TENM3: variants seen among roughly 807,000 people sequenced by gnomAD.
TENM3 encodes the protein teneurin transmembrane protein 3.
TENM3 carries 63 observed loss-of-function variants against 255.1 expected under a neutral mutation model. The observed-to-expected ratio is 0.25, with a 90% CI of 0.20 to 0.30. The LOEUF (loss-of-function observed/expected upper bound fraction) is 0.30. Ranked by LOEUF, TENM3 falls within the 10% of genes least tolerant of loss-of-function variation. TENM3 has a pLI of 1.00. For missense variants in TENM3, 2,929 were observed against 3,461.1 expected, an observed-to-expected ratio of 0.85 and a Z score of 3.86; for synonymous variants, 1,306 against 1,322.3, an observed-to-expected ratio of 0.99 and a Z score of 0.27.
chr4:182,179,192 C>T (rs543953983), intron 1 of TENM3, among the ~76,000 whole-genome samples: 146 of 152,280 alleles, frequency 9.6e-4, no homozygotes, highest in African/African-American at 3.3e-3. Flanking sequence ...GGTGGTCTTT[C>T]AAAAGCCAGG....
At chr4:182,316,809 C>A (rs1461656714) in intron 1 of TENM3, among the ~76,000 whole-genome samples, 1 of 152,160 alleles carries the variant, frequency 6.6e-6, no homozygotes, top group Non-Finnish European at 1.5e-5. Flanking sequence ...ACTTGTCCTG[C>A]AAATTCTTAC....
At chr4:182,020,096 G>C in the TENM3 span, among the ~76,000 whole-genome samples, 1 of 152,072 alleles carries the variant, frequency 6.6e-6, no homozygotes, top group Non-Finnish European at 1.5e-5. Flanking sequence ...CAGGTGCTGT[G>C]GTTCATGCCT....
the TENM3 span, among the ~76,000 whole-genome samples, chr4:181,594,086 G>A: frequency 6.6e-6 from 1 of 151,602 alleles, no homozygotes; most frequent in Non-Finnish European, 1.5e-5. Flanking sequence ...TAATAAGGTA[G>A]CTGTTTCCAG....
chr4:182,492,723 A>G (rs1735420250), intron 3 of TENM3, among the ~76,000 whole-genome samples: 1 of 152,194 alleles, frequency 6.6e-6, no homozygotes, highest in African/African-American at 2.4e-5. Flanking sequence ...ATGACTGCTG[A>G]ATCAGTCAGA....
intron 1 of TENM3, among the ~76,000 whole-genome samples, chr4:182,230,635 G>GCAC (rs1172812048): frequency 6.6e-6 from 1 of 151,478 alleles, no homozygotes; most frequent in African/African-American, 2.4e-5. Context: ...CTCCCCATCT[G>GCAC]CACCCTTCCT....
At chr4:182,406,694 T>C (rs567335586) in intron 3 of TENM3, among the ~76,000 whole-genome samples, 2 of 152,346 alleles carry the variant, frequency 1.3e-5, no homozygotes, top group Admixed American at 1.3e-4. Flanking sequence ...GTTAACTAAT[T>C]ATTCTCTAAC....
chr4:182,430,414 G>A (rs566061968), intron 3 of TENM3, among the ~76,000 whole-genome samples: 14 of 152,256 alleles, frequency 9.2e-5, no homozygotes, highest in African/African-American at 2.9e-4. Flanking sequence ...TGGGCGTGGT[G>A]GCAGGCACTT....
intron 3 of TENM3, among the ~76,000 whole-genome samples, chr4:182,502,184 A>G (rs777573020): frequency 1.8e-4 from 28 of 152,108 alleles, no homozygotes; most frequent in Non-Finnish European, 3.4e-4. Context: ...CCTTGATTAT[A>G]TTCTGCTTAA....
the TENM3 span, among the ~76,000 whole-genome samples, chr4:181,996,277 G>T: frequency 6.6e-6 from 1 of 152,146 alleles, no homozygotes; most frequent in African/African-American, 2.4e-5. Flanking sequence ...GGATGAAGTG[G>T]CTGGTGGGGG....
chr4:182,666,935 A>AGT (rs1754743072), intron 6 of TENM3, among the ~76,000 whole-genome samples: 2 of 152,242 alleles, frequency 1.3e-5, no homozygotes, highest in South Asian at 4.1e-4. Context: ...TTGCACACTT[A>AGT]GTAGACTGCA....
intron 3 of TENM3, among the ~76,000 whole-genome samples, chr4:182,350,792 C>G (rs1002490383): frequency 1.3e-5 from 2 of 152,160 alleles, no homozygotes; most frequent in African/African-American, 4.8e-5. Context: ...TCAAGCCATT[C>G]TCCTGCCTCA....
upstream of TENM3, chr4:182,143,064 T>C (rs1749588172): frequency 6.0e-6 from 1 of 167,132 alleles, no homozygotes; most frequent in Non-Finnish European, 1.5e-5. This position sits in a 1 kb window ranked among gnomAD's most constrained non-coding sequence, Gnocchi z 4.3. Context: ...GCCAGTGTCT[T>C]GGGAGGAGCA....
At chr4:181,529,310 G>A in the TENM3 span, among the ~76,000 whole-genome samples, 3 of 152,322 alleles carry the variant, frequency 2.0e-5, no homozygotes, top group African/African-American at 4.8e-5. Flanking sequence ...CATCTGTTTA[G>A]ATCTAGAATC....
At chr4:181,992,883 T>C in the TENM3 span, among the ~76,000 whole-genome samples, 195 of 152,280 alleles carry the variant, frequency 1.3e-3, 1 homozygote, top group African/African-American at 4.4e-3. Flanking sequence ...AAATGTACTA[T>C]TTAAAATATA....
the TENM3 span, among the ~76,000 whole-genome samples, chr4:182,021,360 G>T: frequency 1.3e-5 from 2 of 151,952 alleles, no homozygotes; most frequent in African/African-American, 2.4e-5. Context: ...ACTGTGAATA[G>T]TTCCTGCCAG....
chr4:182,745,017 GATCTAGTTTGGTCATTAAAAT>G (rs1285710720), intron 19 of TENM3, among the ~76,000 whole-genome samples: 28 of 152,250 alleles, frequency 1.8e-4, no homozygotes, highest in Admixed American at 1.3e-3. Context: ...AGACATGCTA[GATCTAGTTTGGTCATTAAAAT>G]ATCTAATGAA....
chr4:182,045,482 G>A, the TENM3 span, among the ~76,000 whole-genome samples: 7 of 151,984 alleles, frequency 4.6e-5, no homozygotes, highest in African/African-American at 1.7e-4. Flanking sequence ...ACAGAAGACC[G>A]AAGTTTAGAA....
intron 3 of TENM3, among the ~76,000 whole-genome samples, chr4:182,525,475 T>C (rs1739059384): frequency 6.6e-6 from 1 of 152,220 alleles, no homozygotes; most frequent in Admixed American, 6.5e-5. Flanking sequence ...CCTATCTGAC[T>C]TCAAAGACCA....
At chr4:182,773,758 T>G in intron 23 of TENM3, 111 bp downstream of exon 23, 1 of 906,846 alleles carries the variant, frequency 1.1e-6, no homozygotes, top group Non-Finnish European at 1.7e-6. Flanking sequence ...TGTAAACCTC[T>G]AGAAATATTG....
Sources: allele counts gnomAD v4.1 joint callset (sites outside exome capture counted in the v4.1 genomes callset), GRCh38; gene constraint gnomAD v4.1.1; non-coding constraint Gnocchi (gnomAD v3.1); transcripts MANE v1.5; gene names NCBI Gene and HGNC (gene_info 2026-07-23, HGNC 2026-07-21).